PPP1R17: variants seen among roughly 807,000 people sequenced by gnomAD.
PPP1R17 encodes the protein G-substrate.
A neutral mutation model predicts 15.9 loss-of-function variants in PPP1R17; 12 were observed. The ratio of observed to expected loss-of-function variants is 0.75; its 90% CI spans 0.48 to 1.22. The LOEUF (loss-of-function observed/expected upper bound fraction) is 1.22, where lower values mean the gene tolerates loss of function less well. Ranked by LOEUF, PPP1R17 falls within the 50% of genes most tolerant of loss-of-function variation. PPP1R17 has a pLI of 0.00. For missense variants in PPP1R17, 211 were observed against 187.3 expected (o/e 1.13, Z -0.74); for synonymous variants, 63 against 64.5 (o/e 0.98, Z 0.11).
At chr7:31,696,610 G>A (rs1792594136) in intron 3 of PPP1R17, among the ~76,000 whole-genome samples, 1 of 152,178 alleles carries the variant, frequency 6.6e-6, no homozygotes, top group Non-Finnish European at 1.5e-5. Context: ...ATGAGATTTG[G>A]AGGCAGAAAA....
intron 4 of PPP1R17, among the ~76,000 whole-genome samples, chr7:31,706,671 A>G (rs1035407548): frequency 1.3e-5 from 2 of 152,332 alleles, no homozygotes; most frequent in African/African-American, 2.4e-5. Context: ...GAGGCTTACC[A>G]GTTCTTTTCC....
At chr7:31,691,157 G>A (rs1792324326) in intron 1 of PPP1R17, among the ~76,000 whole-genome samples, 1 of 152,174 alleles carries the variant, frequency 6.6e-6, no homozygotes, top group African/African-American at 2.4e-5. Context: ...TCTGCACAGA[G>A]TGACTCTAAA....
At chr7:31,697,527 A>G (rs897127544) in intron 4 of PPP1R17, among the ~76,000 whole-genome samples, 2 of 152,188 alleles carry the variant, frequency 1.3e-5, no homozygotes, top group African/African-American at 2.4e-5. Flanking sequence ...AGAGATGCAG[A>G]AATAAGGATA....
chr7:31,699,718 T>TC (rs1792760596), intron 4 of PPP1R17, among the ~76,000 whole-genome samples: 1 of 152,170 alleles, frequency 6.6e-6, no homozygotes, highest in Admixed American at 6.5e-5. Context: ...CACCATTTTT[T>TC]CAATAGCATG....
intron 4 of PPP1R17, among the ~76,000 whole-genome samples, chr7:31,704,836 A>G (rs1562705587): frequency 1.3e-5 from 2 of 152,108 alleles, no homozygotes; most frequent in African/African-American, 4.8e-5. Flanking sequence ...TTAATGGTGC[A>G]CCTCTGCTTC....
intron 1 of PPP1R17, 45 bp from the exon 2 acceptor site, chr7:31,692,361 A>C: frequency 8.8e-7 from 1 of 1,134,424 alleles, no homozygotes. Context: ...TGAATGAATG[A>C]ATAAACAGAG....
intron 1 of PPP1R17, among the ~76,000 whole-genome samples, chr7:31,687,557 G>A (rs543125335): frequency 1.3e-5 from 2 of 152,212 alleles, no homozygotes; most frequent in African/African-American, 2.4e-5. Context: ...TGAAGTTGGT[G>A]TATCTGCATA....
rs2128250956 is a variant in PPP1R17, at chr7:31,708,019, G to C, written c.*736G>C. On this transcript the variant is annotated 3_prime_UTR_variant, in exon 5 of 5. Coordinates refer to ENST00000342032, the MANE Select transcript of PPP1R17 (RefSeq NM_006658.5). ...AACATTTGTGAGTTGTGTCACAAGT[G>C]AGTCATTATCAATGGTAGATAAAAT... 1 of 152,312 alleles carries C rather than the reference G, an allele frequency of 6.6e-6. No homozygotes were observed. Among genetic ancestry groups the C allele is most frequent in the East Asian group, 1.9e-4 (1 of 5,190 alleles). 9.4% of individuals were successfully genotyped at this position (152,312 alleles called of 1,614,324 possible).
At chr7:31,702,428 A>C (rs1158863314) in intron 4 of PPP1R17, among the ~76,000 whole-genome samples, 1 of 152,154 alleles carries the variant, frequency 6.6e-6, no homozygotes. Flanking sequence ...AATCCTACCT[A>C]GGTTAATCCT....
intron 1 of PPP1R17, among the ~76,000 whole-genome samples, chr7:31,688,356 T>C (rs929297329): frequency 1.3e-5 from 2 of 152,182 alleles, no homozygotes; most frequent in African/African-American, 4.8e-5. Flanking sequence ...AATCTTAAAG[T>C]TGAGAGGAAT....
intron 4 of PPP1R17, among the ~76,000 whole-genome samples, chr7:31,698,869 A>G (rs1792725888): frequency 6.6e-6 from 1 of 152,176 alleles, no homozygotes; most frequent in African/African-American, 2.4e-5. Context: ...TGGGTGTGTC[A>G]TGGGGGTAAC....
At chr7:31,707,043 G>A (rs1342413410) in intron 4 of PPP1R17, among the ~76,000 whole-genome samples, 161 bp from the exon 5 acceptor site, 1 of 152,168 alleles carries the variant, frequency 6.6e-6, no homozygotes, top group Non-Finnish European at 1.5e-5. Context: ...CCTAGATAGA[G>A]CCACCCAGCT....
At chr7:31,689,967 C>A (rs1452770391) in intron 1 of PPP1R17, among the ~76,000 whole-genome samples, 1 of 152,168 alleles carries the variant, frequency 6.6e-6, no homozygotes, top group Non-Finnish European at 1.5e-5. Context: ...TTGTTTCTCC[C>A]ATAGACAAGA....
At chr7:31,707,073 G>A (rs1386610271) in intron 4 of PPP1R17, 131 bp from the exon 5 acceptor site, 2 of 741,002 alleles carry the variant, frequency 2.7e-6, no homozygotes, top group Admixed American at 6.1e-5. Context: ...GGTTGGTACT[G>A]TTAGCAGGTA....
In PPP1R17 at chr7:31,706,632, T is replaced by C. The variant is rs115340028; in HGVS notation, c.389-572T>C. 1.7e-3 allele frequency among the ~76,000 whole-genome samples: 265 copies of C among 152,326 alleles called. 1 individual carries two copies. The highest frequency in any genetic ancestry group is 6.1e-3 in the African/African-American group (254 of 41,568). Reference sequence around the variant, plus strand: ...CCTGAGCTCAATATTTCCCTGGATGTAGTAAAATGCTTTTAAGTTTGACTT... The same window carrying C: ...CCTGAGCTCAATATTTCCCTGGATGCAGTAAAATGCTTTTAAGTTTGACTT... On this transcript the variant is annotated intron_variant, in intron 4 of 4. Coordinates refer to ENST00000342032, the MANE Select transcript of PPP1R17 (RefSeq NM_006658.5).
rs1044641166 is a variant in PPP1R17, at chr7:31,697,013, A to C, written c.284A>C (p.His95Pro). ...LIKRYDVQER[H>P]PKGKMIPVLH... ...AAAAGATACGATGTTCAAGAGAGAC[A>C]TCCAAAGGGCAAAATGATCCCTGTT... Residue 95 changes from histidine (H) to proline (P), a missense_variant, in exon 4 of 5, where the codon CAT becomes CCT. His to Pro is a moderately conservative substitution (Grantham distance 77). Transcript: ENST00000342032. 7.4e-6 allele frequency: 12 copies of C among 1,614,108 alleles called. No individual in the cohort carries two copies. The highest frequency in any genetic ancestry group is 1.1e-5 in the South Asian group (1 of 91,086).
intron 4 of PPP1R17, among the ~76,000 whole-genome samples, chr7:31,700,914 C>T (rs1792821608): frequency 6.6e-6 from 1 of 152,224 alleles, no homozygotes; most frequent in Admixed American, 6.5e-5. Flanking sequence ...AAAAAAAGAC[C>T]CTTTTCAAAT....
intron 4 of PPP1R17, among the ~76,000 whole-genome samples, chr7:31,699,712 A>G (rs1396725150): frequency 6.6e-6 from 1 of 150,500 alleles, no homozygotes; most frequent in Non-Finnish European, 1.5e-5. Context: ...CAGCAGCACC[A>G]TTTTTTCAAT....
At chr7:31,693,645 A>G (rs1792451101) in intron 2 of PPP1R17, among the ~76,000 whole-genome samples, 1 of 152,224 alleles carries the variant, frequency 6.6e-6, no homozygotes, top group Non-Finnish European at 1.5e-5. Flanking sequence ...AACAACTGAT[A>G]AAGCATAGGC....
Sources: allele counts gnomAD v4.1 joint callset (sites outside exome capture counted in the v4.1 genomes callset), GRCh38; gene constraint gnomAD v4.1.1; transcripts MANE v1.5; gene names NCBI Gene and HGNC (gene_info 2026-07-23, HGNC 2026-07-21).